Variants in RAB11FIP1 observed in about 807,000 individuals in gnomAD.
RAB11FIP1 encodes the protein rab11 family-interacting protein 1.
In RAB11FIP1, 49 loss-of-function variants were observed where a neutral mutation model predicts 83.1. The ratio of observed to expected loss-of-function variants is 0.59; its 90% confidence interval spans 0.47 to 0.75. The LOEUF (loss-of-function observed/expected upper bound fraction) is 0.75, where lower values mean the gene tolerates loss of function less well. Among genes scored for constraint, RAB11FIP1 ranks in the 30% least tolerant of loss-of-function variants. The pLI is 0.00. For synonymous variants in RAB11FIP1, 670 were observed against 656.0 expected (o/e 1.02, Z -0.33); for missense variants, 1,536 against 1,598.7 (o/e 0.96, Z 0.67).
At position 37,872,276 on chromosome 8, in the gene RAB11FIP1, C is replaced by G; in HGVS notation, c.2526G>C (p.Trp842Cys). Reference sequence around the variant, plus strand: ...CGTCAGACGCGTTTCCAGCAACAGACCATGCAGGGTTCAGCTCCTGGGGAC... The same window carrying G: ...CGTCAGACGCGTTTCCAGCAACAGAGCATGCAGGGTTCAGCTCCTGGGGAC... ...SSCPQELNPA[W>C]SVAGNASDGE... Residue 842 changes from tryptophan to cysteine, a missense_variant, in exon 4 of 6, where the codon TGG becomes TGC. Physicochemically the swap from Trp to Cys is radical, Grantham distance 215. Coordinates refer to ENST00000330843, the MANE Select transcript of RAB11FIP1 (RefSeq NM_001002814.3). 6.2e-7 allele frequency: 1 copy of G among 1,614,024 alleles called. No individual in the cohort carries two copies. Among genetic ancestry groups the G allele is most frequent in the Non-Finnish European group, 8.5e-7 (1 of 1,179,938 alleles).
Position 37,872,842 on chromosome 8 carries a change from A to G in RAB11FIP1, c.1960T>C (p.Ser654Pro). Residue 654 changes from serine (S) to proline (P), a missense_variant, in exon 4 of 6, where the codon TCA (serine) becomes CCA (proline). Physicochemically the swap from Ser to Pro is moderately conservative, Grantham distance 74 (BLOSUM62 -1). Transcript: ENST00000330843. ...GGAAAGGATGGCTGTTTGAAAAGTG[A>G]TCCCAGGGCAGAAGAACCAGAATTT... Reference protein sequence around the residue: ...VPNSGSSALGSLFKQPSFPAN... With the variant: ...VPNSGSSALGPLFKQPSFPAN... 6.2e-7 allele frequency: 1 copy of G among 1,614,182 alleles called. No homozygotes were observed. Among genetic ancestry groups the G allele is most frequent in the Non-Finnish European group, 8.5e-7 (1 of 1,180,038 alleles).
intron 1 of RAB11FIP1, among the ~76,000 whole-genome samples, chr8:37,892,469 T>TTATG (rs1489029768): frequency 4.8e-5 from 7 of 145,760 alleles, no homozygotes; most frequent in Non-Finnish European, 7.6e-5. Context: ...ATTTATTTAT[T>TTATG]TTGAGACGGA....
chr8:37,878,692 TAAA>T (rs1326272323), intron 1 of RAB11FIP1, among the ~76,000 whole-genome samples: 6 of 132,026 alleles, frequency 4.5e-5, no homozygotes, highest in Admixed American at 2.3e-4. Context: ...AACACAGAAT[TAAA>T]AAAAAAAAAA....
rs114147138 is a variant in RAB11FIP1, at chr8:37,865,810, A to T, written c.3634-2697T>A. ...TTGCTGGATATTTATGTTGTTTTCA[A>T]TTTGTACAATTATATATAACATTTT... On this transcript the variant is annotated intron_variant, in intron 5 of 5. Coordinates refer to ENST00000330843, the MANE Select transcript of RAB11FIP1 (RefSeq NM_001002814.3). Among the ~76,000 whole-genome samples, 1,076 of 152,248 alleles carry T rather than the reference A, an allele frequency of 7.1e-3. 15 individuals are homozygous for T. Among genetic ancestry groups the T allele is most frequent in the African/African-American group, 0.024 (998 of 41,542 alleles).
At chr8:37,871,014 T>C (rs1806441526) in intron 4 of RAB11FIP1, 1 of 436,532 alleles carries the variant, frequency 2.3e-6, no homozygotes, top group African/African-American at 2.0e-5. Flanking sequence ...CTGGTGGCAT[T>C]GCGTTTCTGC....
chr8:37,867,732 G>T (rs1806369637), intron 5 of RAB11FIP1, among the ~76,000 whole-genome samples: 1 of 151,334 alleles, frequency 6.6e-6, no homozygotes, highest in Non-Finnish European at 1.5e-5. Flanking sequence ...AGGAAGGAAG[G>T]AAGGGAGGGA....
chr8:37,872,128 C>G lies in RAB11FIP1; in HGVS notation c.2674G>C (p.Glu892Gln). 1 of 1,614,040 alleles carries G rather than the reference C, an allele frequency of 6.2e-7. No individual in the cohort carries two copies. Among genetic ancestry groups the G allele is most frequent in the Non-Finnish European group, 8.5e-7 (1 of 1,179,980 alleles). Residue 892 changes from glutamate to glutamine, a missense_variant, in exon 4 of 6, where the codon GAG (glutamate) becomes CAG (glutamine). Physicochemically the swap from Glu to Gln is conservative, Grantham distance 29. Transcript: ENST00000330843. The stretch of plus-strand genomic sequence containing the variant: ...CTCATGGGGACTTCGGAGAAACTCT[C>G]CTCCTGGGAGGGGAGGAGGAGGTGA... ...ADHLLLPSQE[E>Q]SFSEVPMSEA...
rs147827462 is a variant in RAB11FIP1, at chr8:37,871,830, G to A, written c.2972C>T (p.Ser991Leu). The change falls in exon 4 of 6, where the codon TCG becomes TTG. Residue 991 changes from serine to leucine, a missense_variant. Physicochemically the swap from Ser to Leu is moderately radical, Grantham distance 145. Transcript: ENST00000330843. Reference sequence around the variant, plus strand: ...CAAAGCTCCTATGTCCAGAGTTGACGACTTTGCTGTCTCTCCATCATCTTC... The same window carrying A: ...CAAAGCTCCTATGTCCAGAGTTGACAACTTTGCTGTCTCTCCATCATCTTC... ...QVEDDGETAK[S>L]STLDIGALSL... 7.4e-6 allele frequency: 12 copies of A among 1,614,008 alleles called. No homozygotes were observed. The highest frequency in any genetic ancestry group is 2.2e-5 in the East Asian group (1 of 44,892).
chr8:37,890,442 A>C (rs1806924031), intron 1 of RAB11FIP1, among the ~76,000 whole-genome samples: 1 of 152,088 alleles, frequency 6.6e-6, no homozygotes, highest in Admixed American at 6.6e-5. Context: ...CTTAATTACC[A>C]TTGCCTTTTT....
At chr8:37,888,858 C>T (rs377241106) in intron 1 of RAB11FIP1, among the ~76,000 whole-genome samples, 21 of 139,856 alleles carry the variant, frequency 1.5e-4, no homozygotes, top group African/African-American at 2.7e-5. Context: ...ACTGCAGTGG[C>T]GCTATCTCAG....
Position 37,874,760 on chromosome 8 carries a change from T to G in RAB11FIP1, c.1377A>C (p.Pro459=). ...GSEGENPLTV[P]GREKEGMLMG... ...TCAGCATGCCTTCCTTCTCCCTCCC[T>G]GGGACCGTGAGAGGGTTTTCACCTT... Residue 459 remains proline, a synonymous_variant, in exon 3 of 6, where the codon CCA becomes CCC. Transcript: ENST00000330843. 6.2e-7 allele frequency: 1 copy of G among 1,614,162 alleles called. No individual in the cohort carries two copies. The highest frequency in any genetic ancestry group is 8.5e-7 in the Non-Finnish European group (1 of 1,180,020).
intron 5 of RAB11FIP1, among the ~76,000 whole-genome samples, chr8:37,867,268 G>A (rs969019141): frequency 6.6e-6 from 1 of 152,190 alleles, no homozygotes; most frequent in Non-Finnish European, 1.5e-5. Context: ...TCATCTATCT[G>A]CAACACACAG....
chr8:37,887,423 C>T (rs1011016259), intron 1 of RAB11FIP1, among the ~76,000 whole-genome samples: 2 of 150,956 alleles, frequency 1.3e-5, no homozygotes, highest in African/African-American at 2.4e-5. Context: ...CCCAGCTACT[C>T]GGGAGGATGA....
At chr8:37,871,161 T>G (rs1468175873) in intron 4 of RAB11FIP1, 117 bp downstream of exon 4, 7 of 1,377,640 alleles carry the variant, frequency 5.1e-6, no homozygotes, top group Admixed American at 2.8e-5. Context: ...AGCAGGACAG[T>G]GACAGGTGGG....
chr8:37,881,496 T>C (rs1806733305), intron 1 of RAB11FIP1, among the ~76,000 whole-genome samples: 1 of 152,284 alleles, frequency 6.6e-6, no homozygotes, highest in Admixed American at 6.5e-5. Flanking sequence ...CAGTCATAAA[T>C]CGTTGAGATT....
intron 3 of RAB11FIP1, 58 bp downstream of exon 3, chr8:37,874,457 C>A: frequency 7.2e-7 from 1 of 1,392,550 alleles, no homozygotes. Flanking sequence ...CTAACGTAAG[C>A]CTGAAAACCA....
intron 2 of RAB11FIP1, among the ~76,000 whole-genome samples, chr8:37,875,712 T>TA (rs1806593176): frequency 6.6e-6 from 1 of 152,074 alleles, no homozygotes; most frequent in African/African-American, 2.4e-5. Flanking sequence ...GATAAGGCTA[T>TA]ATCCCACGAG....
At chr8:37,887,388 G>A (rs1003718245) in intron 1 of RAB11FIP1, among the ~76,000 whole-genome samples, 3 of 151,936 alleles carry the variant, frequency 2.0e-5, no homozygotes, top group African/African-American at 7.3e-5. Flanking sequence ...AAAATGAGCC[G>A]GGTGTGGTGG....
In RAB11FIP1 at chr8:37,861,131, A is replaced by C. The variant is rs1341179528; in HGVS notation, c.*1764T>G. On this transcript the variant is annotated 3_prime_UTR_variant, in exon 6 of 6. Coordinates refer to ENST00000330843, the MANE Select transcript of RAB11FIP1 (RefSeq NM_001002814.3). The stretch of plus-strand genomic sequence containing the variant: ...TCCAGTCTTAAGTGAGTAACAACAA[A>C]ATTACCTGAAAAATCTCAGCTGGTG... 1 of 153,794 alleles carries C rather than the reference A, an allele frequency of 6.5e-6. No individual in the cohort carries two copies. Among genetic ancestry groups the C allele is most frequent in the East Asian group, 1.9e-4 (1 of 5,216 alleles). The allele number at this position is 153,794 out of a possible 1,614,324, so 9.5% of individuals were successfully genotyped here.
Sources: allele counts gnomAD v4.1 joint callset (sites outside exome capture counted in the v4.1 genomes callset), GRCh38; gene constraint gnomAD v4.1.1; transcripts MANE v1.5; gene names NCBI Gene and HGNC (gene_info 2026-07-23, HGNC 2026-07-21).